Variants in STK32B observed in about 807,000 individuals in gnomAD.
STK32B encodes serine/threonine kinase 32B.
Under a neutral mutation model 52.6 loss-of-function variants are expected in STK32B, and 43 were observed. The ratio of observed to expected loss-of-function variants is 0.82; its 90% confidence interval spans 0.64 to 1.05. The LOEUF is 1.05. STK32B is among the 50% of genes least tolerant of loss of function. STK32B has a pLI of 0.00. For missense variants in STK32B, 621 were observed against 534.6 expected (o/e 1.16, Z -1.59); for synonymous variants, 238 against 204.3 (o/e 1.17, Z -1.41).
chr4:5,373,581 A>G (rs1215526268), intron 4 of STK32B, among the ~76,000 whole-genome samples: 3 of 152,162 alleles, frequency 2.0e-5, no homozygotes, highest in African/African-American at 7.2e-5. Flanking sequence ...CACCAATTTA[A>G]TTATGAATCT....
At chr4:5,338,135 T>C (rs181755580) in intron 4 of STK32B, among the ~76,000 whole-genome samples, 1 of 152,280 alleles carries the variant, frequency 6.6e-6, no homozygotes, top group East Asian at 1.9e-4. Flanking sequence ...ACAAAATGTG[T>C]TTGTAAAAGA....
At chr4:5,434,434 G>GTA (rs1713859383) in intron 6 of STK32B, among the ~76,000 whole-genome samples, 1 of 138,920 alleles carries the variant, frequency 7.2e-6, no homozygotes, top group Admixed American at 7.1e-5. Flanking sequence ...GTGCATGTAT[G>GTA]TGTGTGTGTG....
chr4:5,107,897 T>A (rs530047197), intron 1 of STK32B, among the ~76,000 whole-genome samples: 44 of 152,324 alleles, frequency 2.9e-4, no homozygotes, highest in African/African-American at 9.6e-4. Context: ...ATATAAATGT[T>A]TATTAAAACG....
At chr4:5,257,506 C>T (rs532581284) in intron 3 of STK32B, among the ~76,000 whole-genome samples, 9 of 152,356 alleles carry the variant, frequency 5.9e-5, no homozygotes, top group Admixed American at 5.2e-4. Flanking sequence ...TCACCAGCCA[C>T]CATCATCAGC....
At chr4:5,463,808 T>C (rs1446499571) in intron 9 of STK32B, among the ~76,000 whole-genome samples, 1 of 152,118 alleles carries the variant, frequency 6.6e-6, no homozygotes, top group Non-Finnish European at 1.5e-5. Flanking sequence ...TTCCTCTCCT[T>C]GTCCACAAGG....
At position 5,267,534 on chromosome 4, in the gene STK32B, T is replaced by C. The variant is rs547128862; in HGVS notation, c.261-63686T>C. On this transcript the variant is annotated intron_variant, in intron 3 of 11. Transcript: ENST00000282908. ...GTGGGAAGATGAGAGCATTCTCACA[T>C]CTCAGGAAAAGAAATGAAAGCTCCA... is the stretch of plus-strand genomic sequence containing the variant. Among the ~76,000 whole-genome samples the C allele has an allele frequency of 4.6e-5, 7 of 152,198 alleles. No homozygotes were observed. In the South Asian group the frequency reaches 1.5e-3, roughly 32 times the overall value.
intron 1 of STK32B, among the ~76,000 whole-genome samples, chr4:5,113,039 G>A (rs2108803691): frequency 6.6e-6 from 1 of 152,284 alleles, no homozygotes; most frequent in Non-Finnish European, 1.5e-5. Context: ...TGGAGCCTCT[G>A]TCAGCTGGGG....
rs1307090391 is a variant in STK32B, at chr4:5,457,906, ATGG to A, written c.783+984_783+986del. On this transcript the variant is annotated intron_variant, in intron 8 of 11. Coordinates refer to ENST00000282908, the MANE Select transcript of STK32B (RefSeq NM_018401.3). ...CGAGGCGGAAGGGAGGGAGGGAGGG[ATGG>A]AGGGAGAGAGGAAGGAAGGAGGGAG... Among the ~76,000 whole-genome samples the A allele has an allele frequency of 4.0e-4, 57 of 144,050 alleles. 1 individual carries two copies. In the Middle Eastern group the frequency reaches 0.017, roughly 44 times the overall value. The allele number at this position is 144,050 out of a possible 152,430, so 94.5% of individuals were successfully genotyped here. A position where few individuals can be genotyped will look rare whatever the true frequency, so the allele number is the denominator to read the frequency against.
intron 11 of STK32B, among the ~76,000 whole-genome samples, chr4:5,480,098 C>T (rs1718565384): frequency 1.3e-5 from 2 of 152,160 alleles, no homozygotes; most frequent in South Asian, 4.2e-4. Flanking sequence ...GTCAGCACTA[C>T]CCAATGTTTC....
chr4:5,116,879 C>T (rs1478873083), intron 1 of STK32B, among the ~76,000 whole-genome samples: 9 of 151,948 alleles, frequency 5.9e-5, no homozygotes, highest in East Asian at 1.9e-4. Context: ...AAATCTATTC[C>T]GAAGTATTTT....
intron 4 of STK32B, among the ~76,000 whole-genome samples, chr4:5,359,063 T>A (rs1257274911): frequency 6.6e-6 from 1 of 152,186 alleles, no homozygotes; most frequent in Admixed American, 6.5e-5. Flanking sequence ...TCACTTCAAG[T>A]CTTCTTGTGC....
chr4:5,452,389 C>G (rs375908007), intron 7 of STK32B, among the ~76,000 whole-genome samples: 2 of 152,160 alleles, frequency 1.3e-5, no homozygotes, highest in East Asian at 3.9e-4. Context: ...ACCAGGTAAC[C>G]TCACCAAGGG....
At position 5,400,286 on chromosome 4, in the gene STK32B, A is replaced by G. The variant is rs77336456; in HGVS notation, c.472+2042A>G. The stretch of plus-strand genomic sequence containing the variant: ...TCTCTTTCCTGCCTTTTGGATTTCC[A>G]TCCATCCCATTCCGCCTCCCTTTCT... On this transcript the variant is annotated intron_variant, in intron 5 of 11. Coordinates refer to ENST00000282908, the MANE Select transcript of STK32B (RefSeq NM_018401.3). The surrounding 1 kb of genome is among the most constrained non-coding windows in gnomAD (Gnocchi z 6.1). Among the ~76,000 whole-genome samples the G allele has an allele frequency of 6.6e-6, 1 of 151,996 alleles. No homozygotes were observed. The highest frequency in any genetic ancestry group is 1.5e-5 in the Non-Finnish European group (1 of 67,976).
rs56689858 is a variant in STK32B, at chr4:5,079,372, C to G, written c.52+27457C>G. Among the ~76,000 whole-genome samples the G allele has an allele frequency of 0.021, 3,186 of 152,212 alleles. 243 individuals carry two copies. The East Asian group carries it at 0.27, about 13-fold the overall frequency. On this transcript the variant is annotated intron_variant, in intron 1 of 11. Transcript: ENST00000282908. ...AATTTATAAACATTTTTCTATCAAT[C>G]TTGACTTTATTCCCAAATTATTATT...
intron 3 of STK32B, among the ~76,000 whole-genome samples, chr4:5,242,981 C>G (rs1725151654): frequency 1.3e-5 from 2 of 152,154 alleles, no homozygotes; most frequent in African/African-American, 4.8e-5. Flanking sequence ...GTTACTGTAG[C>G]CTTGTAGTAT....
chr4:5,067,512 T>C (rs1421243729), intron 1 of STK32B, among the ~76,000 whole-genome samples: 1 of 152,188 alleles, frequency 6.6e-6, no homozygotes, highest in African/African-American at 2.4e-5. Context: ...CGTGTAAACT[T>C]ATAAAGGTTA....
chr4:5,070,100 A>G (rs1281580253), intron 1 of STK32B, among the ~76,000 whole-genome samples: 1 of 152,168 alleles, frequency 6.6e-6, no homozygotes, highest in African/African-American at 2.4e-5. Context: ...CCCAGCGAAC[A>G]TTCCATCCCA....
At position 5,453,151 on chromosome 4, in the gene STK32B, A is replaced by G. The variant is rs930144928; in HGVS notation, c.667-3656A>G. ...CTGCACTGGCTTCCTAGTGCATTGG[A>G]GTTATTATTATCATCATTGTTTTTG... On this transcript the variant is annotated intron_variant, in intron 7 of 11. Transcript: ENST00000282908. The surrounding 1 kb of genome is among the most constrained non-coding windows in gnomAD (Gnocchi z 4.0). Among the ~76,000 whole-genome samples, 1 of 151,902 alleles carries G rather than the reference A, an allele frequency of 6.6e-6. No homozygotes were observed. The highest frequency in any genetic ancestry group is 6.6e-5 in the Admixed American group (1 of 15,252).
intron 1 of STK32B, among the ~76,000 whole-genome samples, chr4:5,117,647 T>C (rs1714805644): frequency 6.6e-6 from 1 of 152,174 alleles, no homozygotes; most frequent in Non-Finnish European, 1.5e-5. Context: ...ATTTTAGGGA[T>C]ATTTACCTCT....
Sources: allele counts gnomAD v4.1 joint callset (sites outside exome capture counted in the v4.1 genomes callset), GRCh38; gene constraint gnomAD v4.1.1; non-coding constraint Gnocchi (gnomAD v3.1); transcripts MANE v1.5; gene names NCBI Gene and HGNC (gene_info 2026-07-23, HGNC 2026-07-21).